The following ATE1 variants were observed in gnomAD, a reference collection of about 807,000 sequenced individuals.
ATE1 encodes the protein arginyltransferase 1.
ATE1 carries 36 observed loss-of-function variants against 70.5 expected under a neutral mutation model. The observed-to-expected ratio is 0.51, with a 90% CI of 0.39 to 0.67. ATE1 has a LOEUF of 0.67. ATE1 is among the 30% of genes least tolerant of loss of function. The pLI is 0.00. For synonymous variants in ATE1, 232 were observed against 219.3 expected, an observed-to-expected ratio of 1.06 and a Z score of -0.51; for missense variants, 593 against 629.5, an observed-to-expected ratio of 0.94 and a Z score of 0.62.
At chr10:121,913,766 G>A (rs376433060) in intron 4 of ATE1, 24 bp downstream of exon 4, 50 of 1,534,138 alleles carry the variant, frequency 3.3e-5, no homozygotes, top group African/African-American at 1.2e-4. Flanking sequence ...ATAGTAAATC[G>A]TTTTTAGACC....
At chr10:121,757,686 C>G (rs983982747) in intron 11 of ATE1, among the ~76,000 whole-genome samples, 2 of 152,158 alleles carry the variant, frequency 1.3e-5, no homozygotes, top group African/African-American at 4.8e-5. Context: ...GACCCATTCA[C>G]TATCACAAAA....
chr10:121,914,368 GAT>G (rs1491370277), intron 3 of ATE1, among the ~76,000 whole-genome samples: 1 of 132,062 alleles, frequency 7.6e-6, no homozygotes, highest in Non-Finnish European at 1.7e-5. Flanking sequence ...CCCAGCAAGA[GAT>G]TTTTTTTTTT....
intron 7 of ATE1, among the ~76,000 whole-genome samples, chr10:121,872,024 G>C (rs1291340502): frequency 6.6e-6 from 1 of 152,180 alleles, no homozygotes; most frequent in East Asian, 1.9e-4. Flanking sequence ...AGTTTTAACA[G>C]TGGAGAAAAA....
chr10:121,785,881 G>T (rs149763729), intron 11 of ATE1, among the ~76,000 whole-genome samples: 179 of 151,984 alleles, frequency 1.2e-3, no homozygotes, highest in African/African-American at 3.9e-3. Context: ...GATTTTTTGC[G>T]AACATTTCAA....
intron 8 of ATE1, among the ~76,000 whole-genome samples, chr10:121,845,195 C>T (rs1006599435): frequency 6.6e-6 from 1 of 152,014 alleles, no homozygotes; most frequent in Non-Finnish European, 1.5e-5. Flanking sequence ...CCAAGGTATG[C>T]CTGAAGACTC....
At chr10:121,850,291 T>C (rs1278480904) in intron 8 of ATE1, among the ~76,000 whole-genome samples, 1 of 152,140 alleles carries the variant, frequency 6.6e-6, no homozygotes, top group East Asian at 1.9e-4. Flanking sequence ...TACAAATTAT[T>C]TAGCCCACTG....
chr10:121,765,201 T>C (rs1945225537), intron 11 of ATE1, among the ~76,000 whole-genome samples: 1 of 152,020 alleles, frequency 6.6e-6, no homozygotes, highest in Non-Finnish European at 1.5e-5. Context: ...AGATGCAGAG[T>C]CCCCCAGGTA....
chr10:121,910,586 A>G (rs1564955875), intron 5 of ATE1, among the ~76,000 whole-genome samples: 1 of 152,208 alleles, frequency 6.6e-6, no homozygotes, highest in Non-Finnish European at 1.5e-5. Flanking sequence ...TGTTAAAATA[A>G]GAATGTTTAT....
At chr10:121,874,131 T>C (rs1180760629) in intron 7 of ATE1, among the ~76,000 whole-genome samples, 1 of 152,178 alleles carries the variant, frequency 6.6e-6, no homozygotes, top group African/African-American at 2.4e-5. Flanking sequence ...TTTAAAAATT[T>C]TGCAATTATC....
At chr10:121,912,637 G>A (rs1378179551) in intron 4 of ATE1, among the ~76,000 whole-genome samples, 1 of 151,662 alleles carries the variant, frequency 6.6e-6, no homozygotes, top group Non-Finnish European at 1.5e-5. Flanking sequence ...GGGCGACAGA[G>A]CAAGACTCCG....
chr10:121,830,761 G>A (rs1219681453), intron 10 of ATE1, among the ~76,000 whole-genome samples: 1 of 152,146 alleles, frequency 6.6e-6, no homozygotes, highest in East Asian at 1.9e-4. Flanking sequence ...AATGCTGACT[G>A]TATGAAGTTA....
At chr10:121,924,379 T>C (rs1053838343) in intron 1 of ATE1, 50 bp from the exon 2 acceptor site, 1 of 1,557,478 alleles carries the variant, frequency 6.4e-7, no homozygotes, top group African/African-American at 1.4e-5. Flanking sequence ...CTTTTTTCTT[T>C]TTTAAATTCA....
intron 8 of ATE1, among the ~76,000 whole-genome samples, chr10:121,855,867 G>A (rs1335217291): frequency 1.3e-5 from 2 of 151,920 alleles, no homozygotes; most frequent in Non-Finnish European, 2.9e-5. Context: ...CTAAGGTCAG[G>A]AGTTCAAGAC....
At chr10:121,795,888 C>T (rs1480474706) in intron 10 of ATE1, among the ~76,000 whole-genome samples, 1 of 152,118 alleles carries the variant, frequency 6.6e-6, no homozygotes, top group Non-Finnish European at 1.5e-5. Flanking sequence ...AATGTAATTA[C>T]TTAAGGATTT....
intron 1 of ATE1, among the ~76,000 whole-genome samples, chr10:121,925,945 C>T (rs928573161): frequency 6.6e-6 from 1 of 151,856 alleles, no homozygotes; most frequent in Admixed American, 6.6e-5. Context: ...GTGGCTCATG[C>T]CTATAATCCC....
chr10:121,764,972 C>T (rs907984652), intron 11 of ATE1, among the ~76,000 whole-genome samples: 2 of 152,216 alleles, frequency 1.3e-5, no homozygotes, highest in Admixed American at 1.3e-4. Context: ...GCTATCATTA[C>T]TGTCGATCTC....
chr10:121,787,267 C>A (rs749047174), intron 11 of ATE1, among the ~76,000 whole-genome samples: 1 of 152,160 alleles, frequency 6.6e-6, no homozygotes, highest in Non-Finnish European at 1.5e-5. Context: ...ACCATGCTGA[C>A]GAACAACAAT....
At chr10:121,858,005 G>GT (rs1949311593) in intron 8 of ATE1, among the ~76,000 whole-genome samples, 1 of 152,124 alleles carries the variant, frequency 6.6e-6, no homozygotes, top group Non-Finnish European at 1.5e-5. Flanking sequence ...CATTCACCAT[G>GT]TGTGATTGAG....
At chr10:121,743,964 C>T (rs1944242819) in intron 11 of ATE1, 106 bp from the exon 12 acceptor site, 1 of 1,298,044 alleles carries the variant, frequency 7.7e-7, no homozygotes, top group Non-Finnish European at 1.0e-6. Context: ...GCTCTGTCGC[C>T]CAGGCTGGAG....
Sources: gnomAD v4.1 joint callset for allele counts (sites outside exome capture counted in the v4.1 genomes callset) on GRCh38, gnomAD v4.1.1 for gene constraint, MANE v1.5 for transcripts, NCBI Gene and HGNC (gene_info 2026-07-23, HGNC 2026-07-21) for gene names.